Variants in FBXO42 observed in about 807,000 individuals in gnomAD.
The protein encoded by FBXO42 is F-box only protein 42.
Under a neutral mutation model 71.7 loss-of-function variants are expected in FBXO42, and 12 were observed. The ratio of observed to expected loss-of-function variants is 0.17; its 90% CI spans 0.11 to 0.27. The LOEUF is 0.27. Ranked by LOEUF, FBXO42 falls within the 10% of genes least tolerant of loss-of-function variation. The pLI, the probability that FBXO42 is intolerant of heterozygous loss-of-function variation, is 1.00. For missense variants in FBXO42, 707 were observed against 911.9 expected (o/e 0.78, Z 2.89); for synonymous variants, 325 against 327.5 (o/e 0.99, Z 0.08).
At chr1:16,336,839 G>C (rs2082557374) in intron 1 of FBXO42, among the ~76,000 whole-genome samples, 1 of 152,004 alleles carries the variant, frequency 6.6e-6, no homozygotes, top group Admixed American at 6.6e-5. Context: ...ACAAAAAATA[G>C]CTGGGTGTGG....
intron 4 of FBXO42, among the ~76,000 whole-genome samples, chr1:16,291,753 C>T (rs1338993385): frequency 1.3e-5 from 2 of 152,056 alleles, no homozygotes; most frequent in African/African-American, 4.8e-5. Context: ...CTCACTGTAG[C>T]CTTGAACTCC....
At chr1:16,343,342 C>T (rs940962266) in intron 1 of FBXO42, among the ~76,000 whole-genome samples, 3 of 152,024 alleles carry the variant, frequency 2.0e-5, no homozygotes, top group South Asian at 4.2e-4. Flanking sequence ...ACACGAATTC[C>T]AGACCAGCGT....
intron 2 of FBXO42, among the ~76,000 whole-genome samples, chr1:16,314,928 C>CT (rs1219131278): frequency 5.3e-5 from 8 of 151,622 alleles, no homozygotes; most frequent in Non-Finnish European, 1.2e-4. Context: ...CAGATCAACT[C>CT]TAAGAATATG....
chr1:16,285,462 C>CG (rs1159930467), intron 4 of FBXO42, among the ~76,000 whole-genome samples: 1 of 151,770 alleles, frequency 6.6e-6, no homozygotes, highest in African/African-American at 2.4e-5. Flanking sequence ...TTAGTAGAGA[C>CG]GGGGTTTCAC....
intron 4 of FBXO42, among the ~76,000 whole-genome samples, chr1:16,259,794 AAAAG>A (rs1197465122): frequency 6.6e-6 from 1 of 151,892 alleles, no homozygotes; most frequent in Non-Finnish European, 1.5e-5. Context: ...AGAAAGAAAA[AAAAG>A]AAAGAAAGAA....
chr1:16,265,554 G>A (rs2081762225), intron 4 of FBXO42, among the ~76,000 whole-genome samples: 3 of 151,648 alleles, frequency 2.0e-5, no homozygotes, highest in Admixed American at 2.0e-4. Flanking sequence ...TTAAAATGCA[G>A]GTATTACTAG....
intron 1 of FBXO42, among the ~76,000 whole-genome samples, chr1:16,343,229 G>T (rs1241973811): frequency 6.6e-6 from 1 of 152,140 alleles, no homozygotes; most frequent in African/African-American, 2.4e-5. Flanking sequence ...GATCCTGATG[G>T]ATAAAAAATT....
At chr1:16,325,782 C>T (rs927844134) in intron 1 of FBXO42, among the ~76,000 whole-genome samples, 1 of 151,562 alleles carries the variant, frequency 6.6e-6, no homozygotes, top group Non-Finnish European at 1.5e-5. Flanking sequence ...TGCGTCACCA[C>T]GCCCAACTAA....
intron 4 of FBXO42, among the ~76,000 whole-genome samples, chr1:16,280,800 A>G (rs2081955606): frequency 6.6e-6 from 1 of 152,066 alleles, no homozygotes; most frequent in African/African-American, 2.4e-5. Context: ...AGAAAAGAAG[A>G]ACGAAAACTA....
At chr1:16,305,501 G>A (rs1279914183) in intron 3 of FBXO42, among the ~76,000 whole-genome samples, 3 of 152,172 alleles carry the variant, frequency 2.0e-5, no homozygotes, top group Non-Finnish European at 2.9e-5. Context: ...CCTATTGCTT[G>A]AGCTCAGTTC....
intron 1 of FBXO42, among the ~76,000 whole-genome samples, chr1:16,350,752 AAAAAAAAAGAAAG>A (rs1557612291): frequency 2.3e-5 from 3 of 131,560 alleles, no homozygotes; most frequent in Non-Finnish European, 3.5e-5. Context: ...GCAAAAAAAA[AAAAAAAAAGAAAG>A]AAAGAAAGAA....
chr1:16,314,793 T>C (rs1569909769), intron 2 of FBXO42, among the ~76,000 whole-genome samples: 2 of 150,038 alleles, frequency 1.3e-5, no homozygotes, highest in South Asian at 4.2e-4. Context: ...CTGAGGCAGG[T>C]GAATAACATG....
intron 4 of FBXO42, among the ~76,000 whole-genome samples, chr1:16,264,685 C>T (rs113100500): frequency 0.011 from 1,700 of 152,260 alleles, 28 homozygotes; most frequent in African/African-American, 0.039. Flanking sequence ...CCTCCTAAAT[C>T]GCACAGCAGA....
chr1:16,261,015 C>G (rs1408230464), intron 4 of FBXO42, among the ~76,000 whole-genome samples: 1 of 152,172 alleles, frequency 6.6e-6, no homozygotes, highest in Admixed American at 6.5e-5. Flanking sequence ...AAAGAATGAG[C>G]TTTAAAGTCA....
intron 3 of FBXO42, among the ~76,000 whole-genome samples, chr1:16,304,090 C>T (rs913653627): frequency 6.0e-5 from 9 of 150,760 alleles, no homozygotes; most frequent in African/African-American, 2.2e-4. Context: ...GAGGCGTGAG[C>T]CACAGCACCC....
chr1:16,290,843 T>TA (rs1458855378), intron 4 of FBXO42, among the ~76,000 whole-genome samples: 1 of 152,216 alleles, frequency 6.6e-6, no homozygotes, highest in Non-Finnish European at 1.5e-5. Flanking sequence ...TCTAGAACTG[T>TA]GAGAAATACA....
chr1:16,274,193 C>G (rs1323964110), intron 4 of FBXO42, among the ~76,000 whole-genome samples: 1 of 151,740 alleles, frequency 6.6e-6, no homozygotes, highest in Admixed American at 6.6e-5. Flanking sequence ...GCAATCCCAG[C>G]TACTTGGGAG....
At chr1:16,351,783 G>GGCTA (rs1395462059) in intron 1 of FBXO42, among the ~76,000 whole-genome samples, 2 of 152,192 alleles carry the variant, frequency 1.3e-5, no homozygotes, top group Non-Finnish European at 2.9e-5. Context: ...GGCCTTTTGT[G>GGCTA]TTTTATTTAA....
chr1:16,316,927 G>C (rs973581435), intron 1 of FBXO42, among the ~76,000 whole-genome samples: 24 of 152,090 alleles, frequency 1.6e-4, no homozygotes, highest in African/African-American at 5.3e-4. Flanking sequence ...ATGAAATATA[G>C]AGCAAAGAAC....
Sources: allele counts gnomAD v4.1 joint callset (sites outside exome capture counted in the v4.1 genomes callset), GRCh38; gene constraint gnomAD v4.1.1; transcripts MANE v1.5; gene names NCBI Gene and HGNC (gene_info 2026-07-23, HGNC 2026-07-21).